TENM2: variants seen among roughly 807,000 people sequenced by gnomAD.
TENM2 encodes teneurin-2.
Under a neutral mutation model 245.2 loss-of-function variants are expected in TENM2, and 52 were observed. The ratio of observed to expected loss-of-function variants is 0.21; its 90% CI spans 0.17 to 0.27. TENM2 has a LOEUF of 0.27. TENM2 is among the 10% of genes least tolerant of loss of function. The pLI is 1.00. For missense variants in TENM2, 3,046 were observed against 3,666.8 expected, an observed-to-expected ratio of 0.83 and a Z score of 4.37; for synonymous variants, 1,363 against 1,438.9, an observed-to-expected ratio of 0.95 and a Z score of 1.19.
the TENM2 span, among the ~76,000 whole-genome samples, chr5:167,099,690 C>T: frequency 2.6e-5 from 4 of 152,016 alleles, no homozygotes; most frequent in Non-Finnish European, 4.4e-5. Flanking sequence ...AGCGAAACAC[C>T]GTCTCAAAAC....
chr5:167,241,287 G>GA, the TENM2 span, among the ~76,000 whole-genome samples: 321 of 151,784 alleles, frequency 2.1e-3, 2 homozygotes, highest in African/African-American at 7.5e-3. Context: ...TGCAATAATA[G>GA]AAAAAAAAGT....
chr5:167,523,435 G>A (rs1203652509), intron 2 of TENM2, among the ~76,000 whole-genome samples: 2 of 152,014 alleles, frequency 1.3e-5, no homozygotes, highest in Non-Finnish European at 2.9e-5. Context: ...AGCTAGATTC[G>A]ATTCAATTCA....
chr5:167,459,164 A>T (rs1561973788), intron 2 of TENM2, among the ~76,000 whole-genome samples: 1 of 151,944 alleles, frequency 6.6e-6, no homozygotes, highest in Non-Finnish European at 1.5e-5. Flanking sequence ...CCCTTCCCAT[A>T]CCATCTGGAA....
At chr5:167,236,587 T>G in the TENM2 span, among the ~76,000 whole-genome samples, 4 of 152,002 alleles carry the variant, frequency 2.6e-5, no homozygotes, top group African/African-American at 9.7e-5. Context: ...TTAGAAGTCT[T>G]CTAGATCCTT....
chr5:167,138,092 G>C, the TENM2 span, among the ~76,000 whole-genome samples: 43 of 152,296 alleles, frequency 2.8e-4, no homozygotes, highest in South Asian at 6.2e-4. Context: ...TAGGCACAGG[G>C]AAGCAGCCGC....
At chr5:167,132,993 C>A in the TENM2 span, among the ~76,000 whole-genome samples, 1 of 152,074 alleles carries the variant, frequency 6.6e-6, no homozygotes, top group Admixed American at 6.5e-5. Context: ...ATTAACTTGG[C>A]AATGTTAGCA....
intron 19 of TENM2, among the ~76,000 whole-genome samples, chr5:168,205,183 A>G (rs1762256992): frequency 6.6e-6 from 1 of 152,220 alleles, no homozygotes; most frequent in Non-Finnish European, 1.5e-5. Context: ...TCTTGCCAGG[A>G]AAGTTGATTT....
intron 2 of TENM2, among the ~76,000 whole-genome samples, chr5:167,624,231 C>T (rs1325082892): frequency 6.6e-6 from 1 of 152,104 alleles, no homozygotes; most frequent in Non-Finnish European, 1.5e-5. Flanking sequence ...TGGAATAGTA[C>T]ACAGCCATGA....
At chr5:167,045,521 T>G in the TENM2 span, among the ~76,000 whole-genome samples, 1 of 152,198 alleles carries the variant, frequency 6.6e-6, no homozygotes, top group Non-Finnish European at 1.5e-5. Context: ...CTCCTTCACC[T>G]TGCAGCCCTG....
intron 13 of TENM2, among the ~76,000 whole-genome samples, chr5:168,171,201 A>G (rs896842361): frequency 2.6e-5 from 4 of 152,238 alleles, no homozygotes; most frequent in African/African-American, 9.6e-5. Flanking sequence ...CTTTATGGAA[A>G]TATCACACTC....
the TENM2 span, among the ~76,000 whole-genome samples, chr5:167,232,795 T>TA: frequency 5.3e-3 from 808 of 152,368 alleles, 11 homozygotes; most frequent in African/African-American, 0.018. Flanking sequence ...GAGTTCCTAC[T>TA]ATATGCAAAG....
chr5:167,260,271 ATTGT>A, the TENM2 span, among the ~76,000 whole-genome samples: 2 of 152,042 alleles, frequency 1.3e-5, no homozygotes, highest in African/African-American at 4.8e-5. Flanking sequence ...TAGAATTAGC[ATTGT>A]TTGTTCCTTT....
At chr5:167,774,220 G>GGAAA (rs1250727607) in intron 2 of TENM2, among the ~76,000 whole-genome samples, 1 of 149,658 alleles carries the variant, frequency 6.7e-6, no homozygotes, top group East Asian at 2.0e-4. Context: ...GAGGGAGGAA[G>GGAAA]GAAGGAAGGA....
intron 26 of TENM2, 43 bp from the exon 29 acceptor site, chr5:168,246,714 C>T: frequency 6.3e-7 from 1 of 1,579,264 alleles, no homozygotes; most frequent in South Asian, 1.1e-5. Context: ...GCTTGGTCCT[C>T]AAAAGCCAAC....
Position 167,609,505 on chromosome 5 carries a change from AAAAAAAAC to A in TENM2, c.502+234037_502+234044del, listed in dbSNP as rs1283494250. Among the ~76,000 whole-genome samples, 114 of 145,348 alleles carry A rather than the reference AAAAAAAAC, an allele frequency of 7.8e-4. 3 individuals are homozygous for A. The highest frequency in any genetic ancestry group is 3.7e-3 in the East Asian group (18 of 4,842). On this transcript the variant is annotated intron_variant, in intron 2 of 28. Coordinates refer to ENST00000518659, the Ensembl canonical transcript of TENM2. Reference sequence around the variant, plus strand: ...TGATGATGCAAAAAAAAAAAAAAAAAAAAAAAACAAAACCTTACCTAGAAGGTTTTTTA... The same window carrying A: ...TGATGATGCAAAAAAAAAAAAAAAAAAAAACCTTACCTAGAAGGTTTTTTA...
chr5:168,214,999 T>C lies in TENM2; in HGVS notation c.3846-41T>C, dbSNP rs748470751. 5.1e-6 allele frequency: 8 copies of C among 1,564,538 alleles called. No individual in the cohort carries two copies. The East Asian group carries it at 1.1e-4, about 22-fold the overall frequency. On this transcript the variant is annotated intron_variant, in intron 20 of 28. Coordinates refer to ENST00000518659, the Ensembl canonical transcript of TENM2. ...CCTTTGATCTAGGAGGCCAGCTCCATAGCCCCCTCCTCATTTCTCTTTGTG... is the reference window on the plus strand; with the variant it reads ...CCTTTGATCTAGGAGGCCAGCTCCACAGCCCCCTCCTCATTTCTCTTTGTG...
chr5:167,706,216 G>A (rs1221548156), intron 2 of TENM2, among the ~76,000 whole-genome samples: 2 of 144,598 alleles, frequency 1.4e-5, no homozygotes, highest in African/African-American at 2.5e-5. Context: ...TATATAGTAT[G>A]TAAAAATATA....
At chr5:167,786,943 C>T (rs1025723290) in intron 2 of TENM2, among the ~76,000 whole-genome samples, 2 of 152,230 alleles carry the variant, frequency 1.3e-5, no homozygotes, top group African/African-American at 2.4e-5. Context: ...CTTCACTCTT[C>T]TTTAACATAT....
At chr5:167,712,128 C>A (rs972326547) in intron 2 of TENM2, among the ~76,000 whole-genome samples, 1 of 152,056 alleles carries the variant, frequency 6.6e-6, no homozygotes, top group South Asian at 2.1e-4. Context: ...CCAATCAACT[C>A]GATCTTAATT....
Sources: gnomAD v4.1 joint callset for allele counts (sites outside exome capture counted in the v4.1 genomes callset) on GRCh38, gnomAD v4.1.1 for gene constraint, MANE v1.5 for transcripts, NCBI Gene and HGNC (gene_info 2026-07-23, HGNC 2026-07-21) for gene names.